PRIMA1: variants seen among roughly 807,000 people sequenced by gnomAD.
PRIMA1 encodes proline-rich membrane anchor 1.
Under a neutral mutation model 17.5 loss-of-function variants are expected in PRIMA1, and 7 were observed. That is an observed-to-expected ratio of 0.40 (90% CI 0.23 to 0.75). PRIMA1 has a LOEUF of 0.75. PRIMA1 is among the 30% of genes least tolerant of loss of function. The pLI, the probability that PRIMA1 is intolerant of heterozygous loss-of-function variation, is 0.37. For missense variants in PRIMA1, 200 were observed against 201.8 expected, an observed-to-expected ratio of 0.99 and a Z score of 0.05; for synonymous variants, 97 against 77.9, an observed-to-expected ratio of 1.25 and a Z score of -1.29.
At chr14:93,746,033 C>T (rs1002831273) in intron 3 of PRIMA1, among the ~76,000 whole-genome samples, 1 of 152,156 alleles carries the variant, frequency 6.6e-6, no homozygotes, top group Non-Finnish European at 1.5e-5. Context: ...TGATTCCCCT[C>T]CTATATCCCC....
At chr14:93,772,376 C>T (rs559612515) in intron 3 of PRIMA1, among the ~76,000 whole-genome samples, 1 of 152,382 alleles carries the variant, frequency 6.6e-6, no homozygotes, top group East Asian at 1.9e-4. Context: ...GAAATGCAGG[C>T]TCACGCCTCT....
chr14:93,761,848 T>C (rs1012684526), intron 3 of PRIMA1, among the ~76,000 whole-genome samples: 6 of 152,246 alleles, frequency 3.9e-5, no homozygotes, highest in African/African-American at 1.4e-4. Context: ...TCTTGGTTCT[T>C]AACTATGAAA....
At chr14:93,786,123 A>T (rs1885517709) in intron 2 of PRIMA1, among the ~76,000 whole-genome samples, 1 of 152,218 alleles carries the variant, frequency 6.6e-6, no homozygotes, top group Non-Finnish European at 1.5e-5. Context: ...CTTATGGAAG[A>T]GAGAAAAGTG....
Position 93,779,260 on chromosome 14 carries a change from G to A in PRIMA1, c.145C>T (p.Arg49Ter). The part of the protein sequence containing the change: ...KSCSKVTDSC[R>*]HVCQCRPPPP... Reference sequence around the variant, plus strand: ...GGGGGCCGGCACTGGCAGACGTGTCGGCAGCTGTCAGTCACTTTGGAGCAG... The same window carrying A: ...GGGGGCCGGCACTGGCAGACGTGTCAGCAGCTGTCAGTCACTTTGGAGCAG... The change falls in exon 3 of 5, where the codon CGA becomes TGA. Residue 49 changes from arginine to a stop codon, truncating the protein, a stop_gained. Coordinates refer to ENST00000393140, the MANE Select transcript of PRIMA1 (RefSeq NM_178013.4). LOFTEE classifies it high-confidence loss of function. The A allele has an allele frequency of 1.9e-6, 3 of 1,541,138 alleles. No homozygotes were observed. Among genetic ancestry groups the A allele is most frequent in the Non-Finnish European group, 2.6e-6 (3 of 1,151,348 alleles).
chr14:93,772,280 C>A (rs754064331), intron 3 of PRIMA1, among the ~76,000 whole-genome samples: 33 of 152,250 alleles, frequency 2.2e-4, no homozygotes, highest in Non-Finnish European at 5.9e-5. Context: ...AGTCACTTAA[C>A]CTCCTTCTGA....
At chr14:93,777,471 G>C (rs1174368892) in intron 3 of PRIMA1, among the ~76,000 whole-genome samples, 2 of 152,114 alleles carry the variant, frequency 1.3e-5, no homozygotes, top group African/African-American at 2.4e-5. Flanking sequence ...GGAGCAGCTG[G>C]GATTACAGGC....
At chr14:93,770,555 G>A (rs760091224) in intron 3 of PRIMA1, among the ~76,000 whole-genome samples, 5 of 152,208 alleles carry the variant, frequency 3.3e-5, no homozygotes, top group East Asian at 1.9e-4. Context: ...ATTCCCTTTC[G>A]GTCAGCTCTC....
In PRIMA1 at chr14:93,721,263, G is replaced by T; in HGVS notation, c.*181C>A. ...CTCAGCCTGGTGTCCGAGCTGCCTGGGCCCGCAGGCTGACCAGGGGCAAGC... is the reference window on the plus strand; with the variant it reads ...CTCAGCCTGGTGTCCGAGCTGCCTGTGCCCGCAGGCTGACCAGGGGCAAGC... On this transcript the variant is annotated 3_prime_UTR_variant, in exon 5 of 5. Coordinates refer to ENST00000393140, the MANE Select transcript of PRIMA1 (RefSeq NM_178013.4). The T allele has an allele frequency of 1.7e-6, 1 of 573,308 alleles. No individual in the cohort carries two copies. Among genetic ancestry groups the T allele is most frequent in the East Asian group, 2.9e-5 (1 of 34,394 alleles). 35.5% of individuals were successfully genotyped at this position (573,308 alleles called of 1,614,324 possible).
intron 4 of PRIMA1, among the ~76,000 whole-genome samples, chr14:93,736,772 T>C (rs2076152784): frequency 6.6e-6 from 1 of 152,276 alleles, no homozygotes. Context: ...TTTTAGATGT[T>C]AGGAATGTTC....
At chr14:93,735,837 G>C (rs1373338299) in intron 4 of PRIMA1, among the ~76,000 whole-genome samples, 1 of 152,040 alleles carries the variant, frequency 6.6e-6, no homozygotes, top group Non-Finnish European at 1.5e-5. Context: ...TTATAGGCGT[G>C]TGCCACCATG....
Position 93,721,689 on chromosome 14 carries a change from G to C in PRIMA1, c.360-143C>G, listed in dbSNP as rs1484978565. On this transcript the variant is annotated intron_variant, in intron 4 of 4. Transcript: ENST00000393140. ...GAAGGAAGCCAATGGCTCTGTCCTC[G>C]GTTAGCATCCTTGGGCTGCTAGTCC... 1.4e-5 allele frequency: 9 copies of C among 632,660 alleles called. No homozygotes were observed. The South Asian group carries it at 1.6e-4, about 12-fold the overall frequency. 39.2% of individuals were successfully genotyped at this position (632,660 alleles called of 1,614,324 possible). A position where few individuals can be genotyped will look rare whatever the true frequency, so the allele number is the denominator to read the frequency against.
Position 93,771,049 on chromosome 14 carries a change from A to AGTGCATGTATGTGTGTGT in PRIMA1, c.229+8109_229+8126dup, listed in dbSNP as rs1485642951. On this transcript the variant is annotated intron_variant, in intron 3 of 4. Transcript: ENST00000393140. ...AAAAGAAAATGAAAAATTCAAAGTG[A>AGTGCATGTATGTGTGTGT]GTGCATGTATGTGTGTGTGTGCATG... Among the ~76,000 whole-genome samples, 3 of 56,370 alleles carry AGTGCATGTATGTGTGTGT rather than the reference A, an allele frequency of 5.3e-5. No homozygotes were observed. The South Asian group carries it at 1.6e-3, about 29-fold the overall frequency. The allele number at this position is 56,370 out of a possible 152,430, so 37.0% of individuals were successfully genotyped here. A position where few individuals can be genotyped will look rare whatever the true frequency, so the allele number is the denominator to read the frequency against.
intron 3 of PRIMA1, among the ~76,000 whole-genome samples, chr14:93,757,144 G>A (rs926808302): frequency 2.6e-5 from 4 of 152,118 alleles, no homozygotes; most frequent in East Asian, 1.9e-4. Flanking sequence ...GAGCCAGCAC[G>A]CAGTGGGAAC....
chr14:93,727,527 C>T (rs1006097402), intron 4 of PRIMA1, among the ~76,000 whole-genome samples: 2 of 152,148 alleles, frequency 1.3e-5, no homozygotes, highest in Admixed American at 1.3e-4. Context: ...ATTCTGTGGG[C>T]AGAAGCGGCC....
Position 93,787,648 on chromosome 14 carries a change from T to A in PRIMA1, c.71A>T (p.His24Leu). Residue 24 changes from histidine (H) to leucine (L), a missense_variant, in exon 2 of 5, where the codon CAC becomes CTC. By Grantham distance (99) the His-to-Leu change is moderately conservative. Coordinates refer to ENST00000393140, the MANE Select transcript of PRIMA1 (RefSeq NM_178013.4). ...WSSLLLHCAL[H>L]PLWGFVQVTH... ...CACCTGCACGAAGCCCCAGAGCGGGTGGAGCGCGCAGTGCAGCAGCAGCGA... is the reference window on the plus strand; with the variant it reads ...CACCTGCACGAAGCCCCAGAGCGGGAGGAGCGCGCAGTGCAGCAGCAGCGA... The A allele has an allele frequency of 6.5e-7, 1 of 1,542,680 alleles. No individual in the cohort carries two copies. Among genetic ancestry groups the A allele is most frequent in the Non-Finnish European group, 8.7e-7 (1 of 1,146,782 alleles).
At chr14:93,778,037 T>C (rs570002008) in intron 3 of PRIMA1, among the ~76,000 whole-genome samples, 1 of 152,166 alleles carries the variant, frequency 6.6e-6, no homozygotes, top group South Asian at 2.1e-4. Context: ...CCAGTGAGCA[T>C]CCCGGGATAG....
intron 3 of PRIMA1, among the ~76,000 whole-genome samples, chr14:93,772,989 G>A (rs1362874675): frequency 6.6e-6 from 1 of 152,134 alleles, no homozygotes; most frequent in Non-Finnish European, 1.5e-5. Context: ...GTAGGGCATC[G>A]AATCCTTCCA....
At chr14:93,785,916 A>G (rs573509737) in intron 2 of PRIMA1, among the ~76,000 whole-genome samples, 2 of 151,924 alleles carry the variant, frequency 1.3e-5, no homozygotes, top group South Asian at 4.2e-4. Flanking sequence ...ACACACACAC[A>G]CACCCCTGCT....
At chr14:93,750,420 C>T (rs996115579) in intron 3 of PRIMA1, among the ~76,000 whole-genome samples, 1 of 152,130 alleles carries the variant, frequency 6.6e-6, no homozygotes, top group Non-Finnish European at 1.5e-5. Flanking sequence ...ACAAACATGA[C>T]GGGGCCCTCA....
Sources: gnomAD v4.1 joint callset for allele counts (sites outside exome capture counted in the v4.1 genomes callset) on GRCh38, gnomAD v4.1.1 for gene constraint, MANE v1.5 for transcripts, NCBI Gene and HGNC (gene_info 2026-07-23, HGNC 2026-07-21) for gene names.